F2: variants seen among roughly 807,000 people sequenced by gnomAD.
The protein encoded by F2 is coagulation factor II, thrombin.
A neutral mutation model predicts 81.9 loss-of-function variants in F2; 34 were observed. The observed-to-expected ratio is 0.42, with a 90% confidence interval of 0.32 to 0.55. The LOEUF is 0.55. Ranked by LOEUF, F2 falls within the 20% of genes least tolerant of loss-of-function variation. The pLI is 0.18. For synonymous variants in F2, 296 were observed against 326.4 expected, an observed-to-expected ratio of 0.91 and a Z score of 1.01; for missense variants, 630 against 833.4, an observed-to-expected ratio of 0.76 and a Z score of 3.00.
rs143498218 is a variant in F2 at position 46,728,732 on chromosome 11, G to C, written c.1367G>C (p.Arg456Pro). 2.9e-5 allele frequency: 47 copies of C among 1,614,090 alleles called. No individual in the cohort carries two copies. Among genetic ancestry groups the C allele is most frequent in the Non-Finnish European group, 3.8e-5 (45 of 1,180,044 alleles). The change falls in exon 11 of 14, where the codon CGG becomes CCG. Residue 456 changes from arginine to proline, a missense_variant. By Grantham distance (103) the Arg-to-Pro change is moderately radical. Coordinates refer to ENST00000311907, the MANE Select transcript of F2 (RefSeq NM_000506.5). The surrounding 1 kb of genome is among the most constrained non-coding windows in gnomAD (Gnocchi z 5.1). ...KIYIHPRYNW[R>P]ENLDRDIALM... ...TACATCCACCCCAGGTACAACTGGC[G>C]GGAGAACCTGGACCGGGACATTGCC...
chr11:46,729,265 C>T (rs949331010), intron 11 of F2, 115 bp from the exon 12 acceptor site: 7 of 1,202,948 alleles, frequency 5.8e-6, no homozygotes, highest in African/African-American at 4.5e-5. Context: ...CAGGCGTGAA[C>T]GTCTGTGCCC....
chr11:46,724,661 G>A (rs902764228), intron 6 of F2, among the ~76,000 whole-genome samples: 1 of 152,202 alleles, frequency 6.6e-6, no homozygotes, highest in African/African-American at 2.4e-5. Context: ...GGATGTGGAT[G>A]CAGGCAGGGG....
chr11:46,739,067 G>A lies in F2; in HGVS notation c.1674G>A (p.Gly558=). 6.2e-7 allele frequency: 1 copy of A among 1,614,228 alleles called. No individual in the cohort carries two copies. The highest frequency in any genetic ancestry group is 8.5e-7 in the Non-Finnish European group (1 of 1,180,048). The change falls in exon 13 of 14, where the codon GGG becomes GGA. Residue 558 remains glycine, a synonymous_variant. Coordinates refer to ENST00000311907, the MANE Select transcript of F2 (RefSeq NM_000506.5). ...MFCAGYKPDE[G]KRGDACEGDS... is the part of the protein sequence containing the mutation. Reference sequence around the variant, plus strand: ...TTCAAGGTTACAAGCCTGATGAAGGGAAACGAGGGGATGCCTGTGAAGGTG... The same window carrying A: ...TTCAAGGTTACAAGCCTGATGAAGGAAAACGAGGGGATGCCTGTGAAGGTG...
At chr11:46,731,693 T>G (rs1181092816) in intron 12 of F2, among the ~76,000 whole-genome samples, 2 of 151,934 alleles carry the variant, frequency 1.3e-5, no homozygotes, top group African/African-American at 4.8e-5. Flanking sequence ...TGGCCCTGAA[T>G]CCGGGTTTGT....
At position 46,719,939 on chromosome 11, in the gene F2, G is replaced by C. The variant is rs1420666663; in HGVS notation, c.240+77G>C. 5 of 1,520,232 alleles carry C rather than the reference G, an allele frequency of 3.3e-6. No homozygotes were observed. Among genetic ancestry groups the C allele is most frequent in the Non-Finnish European group, 4.4e-6 (5 of 1,131,338 alleles). 94.2% of individuals were successfully genotyped at this position (1,520,232 alleles called of 1,614,324 possible). On this transcript the variant is annotated intron_variant, in intron 2 of 13. Coordinates refer to ENST00000311907, the MANE Select transcript of F2 (RefSeq NM_000506.5). This position sits in a 1 kb window ranked among gnomAD's most constrained non-coding sequence, Gnocchi z 4.7. Reference sequence around the variant, plus strand: ...TAGACACTTCCACAGAGAAGCAAGCGAGGAACGCCACAGCCCCTTCGCTGC... The same window carrying C: ...TAGACACTTCCACAGAGAAGCAAGCCAGGAACGCCACAGCCCCTTCGCTGC...
rs771099379 is a variant in F2, at chr11:46,739,071, C to G, written c.1678C>G (p.Arg560Gly). 1.2e-6 allele frequency: 2 copies of G among 1,613,942 alleles called. No individual in the cohort carries two copies. The highest frequency in any genetic ancestry group is 1.7e-6 in the Non-Finnish European group (2 of 1,180,032). ...CAGYKPDEGK[R>G]GDACEGDSGG... ...AGGTTACAAGCCTGATGAAGGGAAACGAGGGGATGCCTGTGAAGGTGACAG... is the reference window on the plus strand; with the variant it reads ...AGGTTACAAGCCTGATGAAGGGAAAGGAGGGGATGCCTGTGAAGGTGACAG... Residue 560 changes from arginine to glycine, a missense_variant, in exon 13 of 14, where the codon CGA becomes GGA. By Grantham distance (125) the Arg-to-Gly change is moderately radical. Coordinates refer to ENST00000311907, the MANE Select transcript of F2 (RefSeq NM_000506.5).
chr11:46,726,734 G>C lies in F2; in HGVS notation c.1027G>C (p.Glu343Gln). Residue 343 changes from glutamate (E) to glutamine (Q), a missense_variant, in exon 9 of 14, where the codon GAG becomes CAG. Physicochemically the swap from Glu to Gln is conservative, Grantham distance 29 (BLOSUM62 2). Coordinates refer to ENST00000311907, the MANE Select transcript of F2 (RefSeq NM_000506.5). The surrounding 1 kb of genome is among the most constrained non-coding windows in gnomAD (Gnocchi z 5.9). The stretch of plus-strand genomic sequence containing the variant: ...AGACTGTGGGCTGCGACCTCTGTTC[G>C]AGAAGAAGTCGCTGGAGGACAAAAC... ...EADCGLRPLF[E>Q]KKSLEDKTER... 6.2e-7 allele frequency: 1 copy of C among 1,614,228 alleles called. No homozygotes were observed. Among genetic ancestry groups the C allele is most frequent in the Non-Finnish European group, 8.5e-7 (1 of 1,180,046 alleles).
At chr11:46,729,873 C>T (rs989540088) in intron 12 of F2, among the ~76,000 whole-genome samples, 2 of 152,158 alleles carry the variant, frequency 1.3e-5, no homozygotes. Context: ...CTATCACGTT[C>T]CAGGCAGCGT....
chr11:46,735,641 G>A (rs3136491), intron 12 of F2, among the ~76,000 whole-genome samples: 3,612 of 148,852 alleles, frequency 0.024, 145 homozygotes, highest in African/African-American at 0.083. Flanking sequence ...AAAAAAAATC[G>A]GCTGGGCGCG....
Position 46,739,048 on chromosome 11 carries a change from GT to G in F2, c.1657del (p.Tyr553ThrfsTer22). The G allele has an allele frequency of 6.2e-7, 1 of 1,614,200 alleles. No homozygotes were observed. The highest frequency in any genetic ancestry group is 8.5e-7 in the Non-Finnish European group (1 of 1,180,024). On this transcript the variant is annotated frameshift_variant and splice_region_variant, in exon 13 of 14. Coordinates refer to ENST00000311907, the MANE Select transcript of F2 (RefSeq NM_000506.5). LOFTEE classifies it high-confidence loss of function. ...GCACAGACGGCTGTTCTCTTTCAAG[GT>G]TACAAGCCTGATGAAGGGAAACGAG... ...IRITDNMFCAGYKPDEGKRGD... is the reference protein window; with the variant it reads ...IRITDNMFCAXYKPDEGKRGD...
At position 46,720,799 on chromosome 11, in the gene F2, C is replaced by A; in HGVS notation, c.275C>A (p.Thr92Lys). The change falls in exon 4 of 14, where the codon ACA becomes AAA. Residue 92 changes from threonine to lysine, a missense_variant. Physicochemically the swap from Thr to Lys is moderately conservative, Grantham distance 78. Transcript: ENST00000311907. ...CCTGGGTCTTTTCCAGCTTGTGAGACAGCGAGGACGCCTCGAGATAAGCTT... is the reference window on the plus strand; with the variant it reads ...CCTGGGTCTTTTCCAGCTTGTGAGAAAGCGAGGACGCCTCGAGATAAGCTT... ...VFWAKYTACE[T>K]ARTPRDKLAA... 6.2e-7 allele frequency: 1 copy of A among 1,614,104 alleles called. No individual in the cohort carries two copies. The highest frequency in any genetic ancestry group is 1.3e-5 in the African/African-American group (1 of 75,036).
chr11:46,725,886 C>T lies in F2; in HGVS notation c.587C>T (p.Thr196Ile), dbSNP rs1227206094. The T allele has an allele frequency of 6.2e-7, 1 of 1,613,408 alleles. No individual in the cohort carries two copies. The highest frequency in any genetic ancestry group is 1.7e-5 in the Admixed American group (1 of 60,028). Residue 196 changes from threonine (T) to isoleucine (I), a missense_variant, in exon 7 of 14, where the codon ACT becomes ATT. By Grantham distance (89) the Thr-to-Ile change is moderately conservative. Coordinates refer to ENST00000311907, the MANE Select transcript of F2 (RefSeq NM_000506.5). ...CAGGATCAAGTCACTGTAGCGATGA[C>T]TCCACGCTCCGAAGGCTCCAGTGTG... is the stretch of plus-strand genomic sequence containing the variant. ...CGQDQVTVAM[T>I]PRSEGSSVNL... is the part of the protein sequence containing the mutation.
intron 2 of F2, 150 bp downstream of exon 2, chr11:46,720,012 A>G: frequency 8.8e-7 from 1 of 1,131,648 alleles, no homozygotes; most frequent in Non-Finnish European, 1.3e-6. Flanking sequence ...GGCTGGCAAG[A>G]GGAGCGGCCT....
rs577993900 is a variant in F2, at chr11:46,720,305, C to T, written c.241-218C>T. 2.4e-5 allele frequency: 15 copies of T among 615,556 alleles called. No homozygotes were observed. In the South Asian group the frequency reaches 2.6e-4, roughly 11 times the overall value. The allele number at this position is 615,556 out of a possible 1,614,324, so 38.1% of individuals were successfully genotyped here. ...CCCCCTCTCCTCCCATCTCCCCCAG[C>T]CTCTTTCAGTCTCGGTGTGTGTGTT... On this transcript the variant is annotated intron_variant, in intron 2 of 13. Coordinates refer to ENST00000311907, the MANE Select transcript of F2 (RefSeq NM_000506.5).
intron 4 of F2, among the ~76,000 whole-genome samples, chr11:46,721,292 T>G (rs1270825943): frequency 6.6e-6 from 1 of 152,168 alleles, no homozygotes; most frequent in East Asian, 1.9e-4. Context: ...TCCACCCACC[T>G]CGGCCTCAAA....
Position 46,723,361 on chromosome 11 carries a change from T to C in F2, c.423-21T>C, listed in dbSNP as rs201400907. 8.7e-6 allele frequency: 14 copies of C among 1,613,316 alleles called. No individual in the cohort carries two copies. The highest frequency in any genetic ancestry group is 3.3e-5 in the South Asian group (3 of 91,058). On this transcript the variant is annotated intron_variant, in intron 5 of 13. Transcript: ENST00000311907. The surrounding 1 kb of genome is among the most constrained non-coding windows in gnomAD (Gnocchi z 5.6). ...GTACCTCAAGCCCAACAGCCTCCTG[T>C]TGGGCAATTTCCTGTTCCAGAATCA...
chr11:46,726,256 T>G lies in F2; in HGVS notation c.874+83T>G. 1 of 1,561,960 alleles carries G rather than the reference T, an allele frequency of 6.4e-7. No homozygotes were observed. Among genetic ancestry groups the G allele is most frequent in the South Asian group, 1.1e-5 (1 of 88,100 alleles). On this transcript the variant is annotated intron_variant, in intron 7 of 13. Coordinates refer to ENST00000311907, the MANE Select transcript of F2 (RefSeq NM_000506.5). The surrounding 1 kb of genome is among the most constrained non-coding windows in gnomAD (Gnocchi z 5.9). The stretch of plus-strand genomic sequence containing the variant: ...ACAGCCGCTTCTGCTTATCGAACGC[T>G]TACCTCATTGAGTGCGCTCATTACA...
At chr11:46,730,055 G>A (rs1208579296) in intron 12 of F2, among the ~76,000 whole-genome samples, 1 of 152,022 alleles carries the variant, frequency 6.6e-6, no homozygotes, top group South Asian at 2.1e-4. Flanking sequence ...TTCTAAATAG[G>A]GTGGCCAGAC....
Position 46,739,480 on chromosome 11 carries a change from G to A in F2, c.*72G>A. 2 of 1,598,904 alleles carry A rather than the reference G, an allele frequency of 1.3e-6. No individual in the cohort carries two copies. The highest frequency in any genetic ancestry group is 1.7e-6 in the Non-Finnish European group (2 of 1,170,820). ...TTATTTTTGTGTTTCTAAAACTATG[G>A]TTCCCAATAAAAGTGACTCTCAGCG... On this transcript the variant is annotated 3_prime_UTR_variant, in exon 14 of 14. Coordinates refer to ENST00000311907, the MANE Select transcript of F2 (RefSeq NM_000506.5).
Sources: gnomAD v4.1 joint callset for allele counts (sites outside exome capture counted in the v4.1 genomes callset) on GRCh38, gnomAD v4.1.1 for gene constraint, Gnocchi (gnomAD v3.1) non-coding constraint, MANE v1.5 for transcripts, NCBI Gene and HGNC (gene_info 2026-07-23, HGNC 2026-07-21) for gene names.